ZFHX3: variants seen among roughly 807,000 people sequenced by gnomAD.
ZFHX3 encodes zinc finger homeobox 3.
A neutral mutation model predicts 279.1 loss-of-function variants in ZFHX3; 42 were observed. The ratio of observed to expected loss-of-function variants is 0.15; its 90% CI spans 0.12 to 0.19. The LOEUF is 0.19. Ranked by LOEUF, ZFHX3 falls within the 10% of genes least tolerant of loss-of-function variation. ZFHX3 has a pLI of 1.00. For missense variants in ZFHX3, 4,981 were observed against 4,754.0 expected (o/e 1.05, Z -1.40); for synonymous variants, 2,293 against 1,957.8 (o/e 1.17, Z -4.52).
chr16:73,751,100 C>A (rs2053758239), intron 1 of ZFHX3, among the ~76,000 whole-genome samples: 2 of 152,306 alleles, frequency 1.3e-5, no homozygotes, highest in Admixed American at 6.5e-5. Context: ...AATAAACAGA[C>A]CTGGTTTCCC....
chr16:73,208,310 AAT>A (rs1313228685), intron 5 of ZFHX3, among the ~76,000 whole-genome samples: 1 of 152,234 alleles, frequency 6.6e-6, no homozygotes, highest in Non-Finnish European at 1.5e-5. Flanking sequence ...CCACTGACAC[AAT>A]ACATGTTTCT....
chr16:73,798,064 C>A (rs114530069), intron 1 of ZFHX3, among the ~76,000 whole-genome samples: 6,838 of 152,038 alleles, frequency 0.045, 477 homozygotes, highest in African/African-American at 0.15. Context: ...CTGCCTTGGC[C>A]TCTCAAAGTG....
In ZFHX3 at chr16:72,788,120, G is replaced by GCTT. The variant is rs1567507792; in HGVS notation, c.10155_10156insAAG (p.Gln3385_Gln3386insLys). On this transcript the variant is annotated inframe_insertion, in exon 10 of 10. Transcript: ENST00000268489. ...TGCTGCTGCACTTTTTGCTGCTGCT[G>GCTT]CTGCTGTAGTTGCCGCTGCTGCTGC... The GCTT allele has an allele frequency of 1.9e-6, 3 of 1,596,900 alleles. No homozygotes were observed. The highest frequency in any genetic ancestry group is 2.6e-6 in the Non-Finnish European group (3 of 1,168,030).
intron 5 of ZFHX3, chr16:73,143,966 G>C (rs1966854206): frequency 8.0e-6 from 3 of 376,068 alleles, no homozygotes; most frequent in South Asian, 6.4e-5. Context: ...TCTAGGGTGA[G>C]GGTTTATTCA....
At chr16:73,199,952 AT>A (rs2144897855) in intron 5 of ZFHX3, among the ~76,000 whole-genome samples, 1 of 152,352 alleles carries the variant, frequency 6.6e-6, no homozygotes, top group African/African-American at 2.4e-5. Flanking sequence ...GTAACATTGG[AT>A]TTATTATGAT....
chr16:73,033,350 G>A (rs1486456551), intron 1 of ZFHX3, among the ~76,000 whole-genome samples: 1 of 151,266 alleles, frequency 6.6e-6, no homozygotes, highest in Non-Finnish European at 1.5e-5. Flanking sequence ...CCGAGGGTTC[G>A]TCCTCAACTA....
chr16:73,403,131 C>A (rs144305935), intron 3 of ZFHX3, among the ~76,000 whole-genome samples: 26 of 152,166 alleles, frequency 1.7e-4, no homozygotes, highest in African/African-American at 6.0e-4. Context: ...CTGATTGGAA[C>A]TGAGTAAGGA....
rs1022802784 is a variant in ZFHX3 at position 72,785,463 on chromosome 16, T to G, written c.*1701A>C. On this transcript the variant is annotated 3_prime_UTR_variant, in exon 10 of 10. Transcript: ENST00000268489. ...TGTCATTAACATTTGCCTCTCTGCT[T>G]GCAGAAGAAGCACATAACAACCTGG... 2.6e-5 allele frequency: 4 copies of G among 152,688 alleles called. No individual in the cohort carries two copies. The highest frequency in any genetic ancestry group is 9.6e-5 in the African/African-American group (4 of 41,474). The allele number at this position is 152,688 out of a possible 1,614,324, so 9.5% of individuals were successfully genotyped here. A position where few individuals can be genotyped will look rare whatever the true frequency, so the allele number is the denominator to read the frequency against.
intron 2 of ZFHX3, among the ~76,000 whole-genome samples, chr16:73,582,332 A>G (rs2051870765): frequency 6.6e-6 from 1 of 151,882 alleles, no homozygotes; most frequent in Non-Finnish European, 1.5e-5. Flanking sequence ...TCTAAACTTT[A>G]TAAACCTAAA....
At chr16:72,976,336 A>G (rs1962345458) in intron 1 of ZFHX3, among the ~76,000 whole-genome samples, 1 of 152,160 alleles carries the variant, frequency 6.6e-6, no homozygotes. Context: ...TCAAATCTGG[A>G]TGGTGAATGG....
chr16:72,807,255 C>T (rs1286435538), intron 7 of ZFHX3: 2 of 152,182 alleles, frequency 1.3e-5, no homozygotes, highest in Admixed American at 6.5e-5. Context: ...TGGAGGGGCC[C>T]TTGTCTCATC....
intron 5 of ZFHX3, among the ~76,000 whole-genome samples, chr16:73,253,610 C>T (rs1015998680): frequency 1.1e-5 from 1 of 89,478 alleles, no homozygotes; most frequent in Non-Finnish European, 2.1e-5. Context: ...TGCCACCACG[C>T]CCGGCTAATT....
intron 3 of ZFHX3, among the ~76,000 whole-genome samples, chr16:72,943,712 T>A (rs183524273): frequency 6.6e-6 from 1 of 152,098 alleles, no homozygotes; most frequent in Non-Finnish European, 1.5e-5. Flanking sequence ...TGGGGAAGGA[T>A]GACATGGCCA....
chr16:73,207,019 AAAATAAATAAAT>A (rs71156149), intron 5 of ZFHX3, among the ~76,000 whole-genome samples: 11 of 145,708 alleles, frequency 7.5e-5, no homozygotes, highest in Non-Finnish European at 1.5e-4. Context: ...ATCCATCTCA[AAAATAAATAAAT>A]AAATAAATAA....
chr16:73,805,127 T>TA (rs1960244311), intron 1 of ZFHX3, among the ~76,000 whole-genome samples: 1 of 152,154 alleles, frequency 6.6e-6, no homozygotes. Context: ...GCAAAACTTT[T>TA]TCATAAGTAC....
upstream of ZFHX3, chr16:73,062,040 C>T (rs1000601613): frequency 4.6e-5 from 7 of 150,966 alleles, no homozygotes; most frequent in East Asian, 1.9e-4. Flanking sequence ...AATGCTTAGA[C>T]GATAATCCAG....
At chr16:73,021,925 C>T (rs1267948374) in intron 1 of ZFHX3, among the ~76,000 whole-genome samples, 3 of 151,270 alleles carry the variant, frequency 2.0e-5, no homozygotes, top group Admixed American at 6.6e-5. Flanking sequence ...CACGTGTAGA[C>T]GGGAGGCAGA....
intron 7 of ZFHX3, among the ~76,000 whole-genome samples, chr16:73,103,546 T>C (rs1312951987): frequency 6.6e-6 from 1 of 152,220 alleles, no homozygotes; most frequent in East Asian, 1.9e-4. Context: ...TACAGCACTT[T>C]CACATTGCAG....
intron 5 of ZFHX3, among the ~76,000 whole-genome samples, chr16:73,173,001 TTTTTTTG>T (rs1567409583): frequency 0.039 from 2,499 of 64,664 alleles, 217 homozygotes; most frequent in Middle Eastern, 0.062. Context: ...TTTTTGTTTT[TTTTTTTG>T]TTTTTTTTTT....
Sources: gnomAD v4.1 joint callset for allele counts (sites outside exome capture counted in the v4.1 genomes callset) on GRCh38, gnomAD v4.1.1 for gene constraint, MANE v1.5 for transcripts, NCBI Gene and HGNC (gene_info 2026-07-23, HGNC 2026-07-21) for gene names.